CDC40: variants seen among roughly 807,000 people sequenced by gnomAD.
CDC40 encodes the protein pre-mRNA-processing factor 17.
CDC40 carries 27 observed loss-of-function variants against 80.6 expected under a neutral mutation model. The ratio of observed to expected loss-of-function variants is 0.33; its 90% CI spans 0.25 to 0.46. The LOEUF is 0.46. Among genes scored for constraint, CDC40 ranks in the 20% least tolerant of loss-of-function variants. CDC40 has a pLI of 1.00. For missense variants in CDC40, 486 were observed against 694.1 expected, an observed-to-expected ratio of 0.70 and a Z score of 3.37; for synonymous variants, 221 against 232.6, an observed-to-expected ratio of 0.95 and a Z score of 0.45.
At chr6:110,207,719 C>G in intron 4 of CDC40, 130 bp downstream of exon 4, 1 of 588,776 alleles carries the variant, frequency 1.7e-6, no homozygotes, top group Non-Finnish European at 3.1e-6. Context: ...AACAATGGAG[C>G]GATACAGTTT....
At chr6:110,228,782 A>C in intron 13 of CDC40, 50 bp from the exon 14 acceptor site, 1 of 1,451,568 alleles carries the variant, frequency 6.9e-7, no homozygotes, top group Non-Finnish European at 9.2e-7. Context: ...AAAAAGTTTT[A>C]AAAATTGTTT....
chr6:110,201,494 C>G, intron 2 of CDC40, 64 bp from the exon 3 acceptor site: 1 of 1,260,532 alleles, frequency 7.9e-7, no homozygotes. Context: ...ATTCTAACTT[C>G]CATATACTCA....
chr6:110,199,205 G>A (rs574039888), intron 2 of CDC40, among the ~76,000 whole-genome samples: 1 of 151,984 alleles, frequency 6.6e-6, no homozygotes, highest in Non-Finnish European at 1.5e-5. Context: ...GATTGCTTTC[G>A]GTATAGTACC....
intron 1 of CDC40, among the ~76,000 whole-genome samples, chr6:110,184,253 T>C (rs1162378236): frequency 1.3e-5 from 2 of 152,218 alleles, no homozygotes; most frequent in African/African-American, 2.4e-5. Flanking sequence ...TGTAATTCTA[T>C]ATACAGTTTA....
chr6:110,213,255 A>G lies in CDC40; in HGVS notation c.942+95A>G, dbSNP rs1012555460. On this transcript the variant is annotated intron_variant, in intron 8 of 14. Transcript: ENST00000307731. ...TAAATAAATTTGGGTTTGTTAGGCA[A>G]TTAGAAGCTAATTATTTTCTCTTAG... is the stretch of plus-strand genomic sequence containing the variant. 6.3e-6 allele frequency: 5 copies of G among 787,940 alleles called. No individual in the cohort carries two copies. In the African/African-American group the frequency reaches 6.9e-5, roughly 11 times the overall value. 48.8% of individuals were successfully genotyped at this position (787,940 alleles called of 1,614,324 possible). A position where few individuals can be genotyped will look rare whatever the true frequency, so the allele number is the denominator to read the frequency against.
At chr6:110,209,699 C>G (rs918552484) in intron 5 of CDC40, among the ~76,000 whole-genome samples, 2 of 152,134 alleles carry the variant, frequency 1.3e-5, no homozygotes, top group Admixed American at 1.3e-4. Flanking sequence ...TCCTCACCTC[C>G]TAATCTCACT....
At chr6:110,199,266 C>A (rs1777458596) in intron 2 of CDC40, among the ~76,000 whole-genome samples, 1 of 152,120 alleles carries the variant, frequency 6.6e-6, no homozygotes, top group African/African-American at 2.4e-5. Context: ...ATAGAAATCA[C>A]AGTTCTTTTA....
At chr6:110,195,967 T>C (rs573204024) in intron 2 of CDC40, among the ~76,000 whole-genome samples, 2 of 152,334 alleles carry the variant, frequency 1.3e-5, no homozygotes, top group South Asian at 4.1e-4. Context: ...GTTTATTTGG[T>C]ATGCGTTTGC....
intron 12 of CDC40, among the ~76,000 whole-genome samples, chr6:110,220,509 A>G (rs576556140): frequency 2.3e-3 from 323 of 137,670 alleles, no homozygotes; most frequent in Middle Eastern, 5.2e-3. Flanking sequence ...CAGTGGCGCA[A>G]TCTCAGCTCA....
chr6:110,213,892 A>T (rs1349405509), intron 8 of CDC40, among the ~76,000 whole-genome samples: 1 of 152,144 alleles, frequency 6.6e-6, no homozygotes, highest in Non-Finnish European at 1.5e-5. Flanking sequence ...AATGCATCTC[A>T]ACCTGAATAT....
At chr6:110,221,188 C>T (rs922944324) in intron 12 of CDC40, among the ~76,000 whole-genome samples, 1 of 152,164 alleles carries the variant, frequency 6.6e-6, no homozygotes, top group African/African-American at 2.4e-5. Context: ...ATGGAAGCCG[C>T]CATGTTTTTA....
At chr6:110,182,085 CTG>C (rs1199602661) in intron 1 of CDC40, among the ~76,000 whole-genome samples, 1 of 152,212 alleles carries the variant, frequency 6.6e-6, no homozygotes, top group Non-Finnish European at 1.5e-5. Context: ...GGAATTAAGA[CTG>C]TAATTCAAAT....
Position 110,212,094 on chromosome 6 carries a change from T to C in CDC40, c.728-39T>C, listed in dbSNP as rs1300909752. 3 of 1,557,980 alleles carry C rather than the reference T, an allele frequency of 1.9e-6. No homozygotes were observed. In the African/African-American group the frequency reaches 4.1e-5, roughly 21 times the overall value. On this transcript the variant is annotated intron_variant, in intron 6 of 14. Transcript: ENST00000307731. ...AATGTTAGGTTTCATGACTATGGGT[T>C]GTATTTGTTTATTGATTTTCTTTGC...
chr6:110,214,728 T>C (rs1777677716), intron 8 of CDC40, among the ~76,000 whole-genome samples: 1 of 152,236 alleles, frequency 6.6e-6, no homozygotes, highest in Non-Finnish European at 1.5e-5. Flanking sequence ...AGAATAAAGC[T>C]AGCCTTGAAG....
At chr6:110,224,774 C>G (rs1297462974) in intron 12 of CDC40, among the ~76,000 whole-genome samples, 1 of 152,188 alleles carries the variant, frequency 6.6e-6, no homozygotes, top group Non-Finnish European at 1.5e-5. Context: ...AATTCTTCTT[C>G]CACAGCTCCT....
At position 110,230,722 on chromosome 6, in the gene CDC40, G is replaced by A. The variant is rs1358028960; in HGVS notation, c.*591G>A. ...TGTAGCATTCCTCTAATTATAAACA[G>A]TGAAAAATCAAAATCAGTCCAGAGT... On this transcript the variant is annotated 3_prime_UTR_variant, in exon 15 of 15. Coordinates refer to ENST00000307731, the MANE Select transcript of CDC40 (RefSeq NM_015891.3). 3 of 151,934 alleles carry A rather than the reference G, an allele frequency of 2.0e-5. No individual in the cohort carries two copies. Among genetic ancestry groups the A allele is most frequent in the Admixed American group, 6.6e-5 (1 of 15,144 alleles). 9.4% of individuals were successfully genotyped at this position (151,934 alleles called of 1,614,324 possible).
chr6:110,225,450 G>GTT (rs79984887), intron 12 of CDC40, among the ~76,000 whole-genome samples: 31 of 135,796 alleles, frequency 2.3e-4, no homozygotes, highest in African/African-American at 4.3e-4. Flanking sequence ...CTCACATGAG[G>GTT]TTTTTTTTTT....
chr6:110,220,537 C>T lies in CDC40; in HGVS notation c.1340+668C>T, dbSNP rs369491685. 3.0e-4 allele frequency among the ~76,000 whole-genome samples: 45 copies of T among 150,286 alleles called. No individual in the cohort carries two copies. In the South Asian group the frequency reaches 8.6e-3, roughly 29 times the overall value. ...TCAGCTCACTGCAAGCTCCGCCTCCCGGGTTCACGCCATTGTCCTGCCTCA... is the reference window on the plus strand; with the variant it reads ...TCAGCTCACTGCAAGCTCCGCCTCCTGGGTTCACGCCATTGTCCTGCCTCA... On this transcript the variant is annotated intron_variant, in intron 12 of 14. Transcript: ENST00000307731.
chr6:110,198,534 A>G lies in CDC40; in HGVS notation c.277-3024A>G, dbSNP rs190480610. ...GCTGAGAAATTCAAGTCCTTTGCCA[A>G]TTTTTAATTGAGTTATTTATTTTCT... On this transcript the variant is annotated intron_variant, in intron 2 of 14. Transcript: ENST00000307731. Among the ~76,000 whole-genome samples the G allele has an allele frequency of 6.5e-4, 99 of 152,178 alleles. 1 individual carries two copies. Among genetic ancestry groups the G allele is most frequent in the Middle Eastern group, 6.8e-3 (2 of 294 alleles).
Sources: allele counts gnomAD v4.1 joint callset (sites outside exome capture counted in the v4.1 genomes callset), GRCh38; gene constraint gnomAD v4.1.1; transcripts MANE v1.5; gene names NCBI Gene and HGNC (gene_info 2026-07-23, HGNC 2026-07-21).